LNX1: variants seen among roughly 807,000 people sequenced by gnomAD.
The protein encoded by LNX1 is E3 ubiquitin-protein ligase LNX.
A neutral mutation model predicts 68.4 loss-of-function variants in LNX1; 54 were observed. The ratio of observed to expected loss-of-function variants is 0.79; its 90% CI spans 0.63 to 0.99. The LOEUF (loss-of-function observed/expected upper bound fraction) is 0.99, where lower values mean the gene tolerates loss of function less well. LNX1 is among the 50% of genes least tolerant of loss of function. LNX1 has a pLI of 0.00. For synonymous variants in LNX1, 336 were observed against 350.0 expected, an observed-to-expected ratio of 0.96 and a Z score of 0.45; for missense variants, 906 against 926.4, an observed-to-expected ratio of 0.98 and a Z score of 0.29.
intron 2 of LNX1, among the ~76,000 whole-genome samples, chr4:53,563,528 C>G (rs1204552827): frequency 6.7e-6 from 1 of 148,678 alleles, no homozygotes; most frequent in African/African-American, 2.5e-5. Flanking sequence ...TCTAGGTTAG[C>G]TTCAAATTCT....
rs1322269287 is a variant in LNX1, at chr4:53,460,784, C to CTT, written c.*121_*122dup. ...AACTGGCTTTCATTAGATGATCATA[C>CTT]TTTTCCTGACATTTTTACAATGTAT... On this transcript the variant is annotated 3_prime_UTR_variant, in exon 11 of 11. Transcript: ENST00000263925. The CTT allele has an allele frequency of 4.8e-6, 5 of 1,040,100 alleles. No individual in the cohort carries two copies. The highest frequency in any genetic ancestry group is 6.9e-6 in the Non-Finnish European group (5 of 720,540). The allele number at this position is 1,040,100 out of a possible 1,614,324, so 64.4% of individuals were successfully genotyped here.
At chr4:53,513,026 C>CA (rs1726475831) in intron 2 of LNX1, among the ~76,000 whole-genome samples, 1 of 152,136 alleles carries the variant, frequency 6.6e-6, no homozygotes, top group African/African-American at 2.4e-5. Context: ...CATGGCTTTG[C>CA]AACCAACCCT....
chr4:53,476,729 C>G (rs758386673), intron 9 of LNX1, 24 bp downstream of exon 9: 4 of 1,594,784 alleles, frequency 2.5e-6, no homozygotes, highest in African/African-American at 1.3e-5. Context: ...CACGCCCCTA[C>G]AGGGATGTTG....
chr4:53,504,000 T>A (rs1560632164), intron 4 of LNX1, among the ~76,000 whole-genome samples: 1 of 152,142 alleles, frequency 6.6e-6, no homozygotes, highest in Non-Finnish European at 1.5e-5. Context: ...CCAGGCATAG[T>A]GGTGCACGCC....
chr4:53,471,416 A>T (rs1296576242), intron 9 of LNX1, among the ~76,000 whole-genome samples: 1 of 152,196 alleles, frequency 6.6e-6, no homozygotes, highest in Non-Finnish European at 1.5e-5. Flanking sequence ...ATTACCATTC[A>T]GGACATAGGC....
At chr4:53,614,919 A>C (rs1223733988) in intron 2 of LNX1, among the ~76,000 whole-genome samples, 1 of 152,176 alleles carries the variant, frequency 6.6e-6, no homozygotes, top group East Asian at 1.9e-4. Flanking sequence ...TATTTTACTA[A>C]AACATGTATT....
At chr4:53,508,369 T>C in intron 2 of LNX1, 142 bp from the exon 3 acceptor site, 1 of 1,026,384 alleles carries the variant, frequency 9.7e-7, no homozygotes, top group Non-Finnish European at 1.4e-6. Flanking sequence ...ATATCCTCTC[T>C]TCCCTTTTCA....
At chr4:53,614,551 C>G (rs940307972) in intron 2 of LNX1, among the ~76,000 whole-genome samples, 19 of 152,138 alleles carry the variant, frequency 1.2e-4, no homozygotes, top group African/African-American at 4.6e-4. Flanking sequence ...CTAGAAAAGC[C>G]AGAAGGTGAA....
intron 10 of LNX1, 79 bp downstream of exon 10, chr4:53,461,356 T>C: frequency 8.7e-7 from 1 of 1,146,026 alleles, no homozygotes. Context: ...AATACATGCC[T>C]TATCTCAAAT....
chr4:53,479,453 A>G (rs564770490), intron 7 of LNX1, among the ~76,000 whole-genome samples: 19 of 152,344 alleles, frequency 1.2e-4, no homozygotes, highest in African/African-American at 4.3e-4. Flanking sequence ...CTGAAATACC[A>G]CAAATATGGC....
intron 6 of LNX1, among the ~76,000 whole-genome samples, chr4:53,495,453 C>T (rs1443207559): frequency 6.6e-6 from 1 of 151,648 alleles, no homozygotes; most frequent in Admixed American, 6.6e-5. Context: ...CAGGTTCATA[C>T]TTGGGTTTCC....
At position 53,498,697 on chromosome 4, in the gene LNX1, G is replaced by T; in HGVS notation, c.922C>A (p.Arg308Ser). The stretch of plus-strand genomic sequence containing the variant: ...CCGTCTCTGGCGATCACCCCATCAC[G>T]ATAAATGTGTTGGATAATGATATGG... ...LVHIIIQHIY[R>S]DGVIARDGRL... Residue 308 changes from arginine (R) to serine (S), a missense_variant, in exon 5 of 11, where the codon CGT becomes AGT. Coordinates refer to ENST00000263925, the MANE Select transcript of LNX1 (RefSeq NM_001126328.3). 2.5e-6 allele frequency: 4 copies of T among 1,613,944 alleles called. No individual in the cohort carries two copies. Among genetic ancestry groups the T allele is most frequent in the Non-Finnish European group, 3.4e-6 (4 of 1,179,880 alleles).
chr4:53,546,285 T>C (rs746779661), intron 2 of LNX1, among the ~76,000 whole-genome samples: 7 of 152,308 alleles, frequency 4.6e-5, no homozygotes, highest in East Asian at 1.9e-4. Context: ...AGGCTGCACG[T>C]GTTCAAAATT....
intron 1 of LNX1, among the ~76,000 whole-genome samples, chr4:53,630,092 G>GT (rs1408625426): frequency 6.6e-6 from 1 of 151,840 alleles, no homozygotes; most frequent in Non-Finnish European, 1.5e-5. Context: ...TTAAAAAAAG[G>GT]TGGGGGGGGC....
Position 53,610,941 on chromosome 4 carries a change from G to C in LNX1, c.-215+5576C>G, listed in dbSNP as rs376868367. Among the ~76,000 whole-genome samples, 8 of 151,870 alleles carry C rather than the reference G, an allele frequency of 5.3e-5. No homozygotes were observed. The South Asian group carries it at 1.3e-3, about 24-fold the overall frequency. On this transcript the variant is annotated intron_variant, in intron 2 of 3. Coordinates refer to the LNX1 transcript ENST00000504299. ...AATGAGGAAATGCAAAATTATAAAA[G>C]ATCAGAAAGCAGAAAGAAGACTATA...
Position 53,635,750 on chromosome 4 carries a change from G to A in LNX1, c.-215+16418C>T, listed in dbSNP as rs142988224. On this transcript the variant is annotated intron_variant, in intron 1 of 2. Transcript: ENST00000507168. ...GGACAAAATATTAGCCTATAATCTCGGCACTCCCAGGTTTTAACCTAGTGC... is the reference window on the plus strand; with the variant it reads ...GGACAAAATATTAGCCTATAATCTCAGCACTCCCAGGTTTTAACCTAGTGC... Among the ~76,000 whole-genome samples, 464 of 152,124 alleles carry A rather than the reference G, an allele frequency of 3.1e-3. 3 individuals are homozygous for A. The highest frequency in any genetic ancestry group is 0.011 in the African/African-American group (453 of 41,498).
chr4:53,542,067 C>T (rs1228145045), intron 2 of LNX1, among the ~76,000 whole-genome samples: 1 of 152,072 alleles, frequency 6.6e-6, no homozygotes, highest in Non-Finnish European at 1.5e-5. Context: ...TTACCTTGCA[C>T]TCAGGGGGAT....
At chr4:53,553,612 C>G (rs903624192) in intron 2 of LNX1, among the ~76,000 whole-genome samples, 1 of 152,146 alleles carries the variant, frequency 6.6e-6, no homozygotes, top group Non-Finnish European at 1.5e-5. Context: ...CCCAGATTCC[C>G]TTTGGGGTCT....
intron 2 of LNX1, chr4:53,539,037 G>A (rs1353600790): frequency 6.6e-6 from 1 of 152,254 alleles, no homozygotes; most frequent in Non-Finnish European, 1.5e-5. Flanking sequence ...CCCCCTGAAA[G>A]TGAAGTCAGT....
Sources: allele counts gnomAD v4.1 joint callset (sites outside exome capture counted in the v4.1 genomes callset), GRCh38; gene constraint gnomAD v4.1.1; transcripts MANE v1.5; gene names NCBI Gene and HGNC (gene_info 2026-07-23, HGNC 2026-07-21).